The following CNTNAP2 variants were observed in gnomAD, a reference collection of about 807,000 sequenced individuals.
CNTNAP2 encodes contactin-associated protein-like 2.
CNTNAP2 carries 98 observed loss-of-function variants against 155.2 expected under a neutral mutation model. The ratio of observed to expected loss-of-function variants is 0.63; its 90% confidence interval spans 0.54 to 0.75. The LOEUF is 0.75. Ranked by LOEUF, CNTNAP2 falls within the 30% of genes least tolerant of loss-of-function variation. The pLI, the probability that CNTNAP2 is intolerant of heterozygous loss-of-function variation, is 0.00. For synonymous variants in CNTNAP2, 651 were observed against 631.2 expected (o/e 1.03, Z -0.47); for missense variants, 1,727 against 1,688.1 (o/e 1.02, Z -0.40).
chr7:147,565,031 C>CGGAAT (rs1447194073), intron 12 of CNTNAP2, among the ~76,000 whole-genome samples: 2 of 152,068 alleles, frequency 1.3e-5, no homozygotes, highest in Admixed American at 6.6e-5. Flanking sequence ...TTGGGCTATT[C>CGGAAT]CATTTTCAAG....
chr7:146,882,193 C>T (rs548991387), intron 3 of CNTNAP2, among the ~76,000 whole-genome samples: 2 of 152,144 alleles, frequency 1.3e-5, no homozygotes, highest in East Asian at 1.9e-4. Flanking sequence ...AACCATATTT[C>T]CTTCATTCAA....
At chr7:146,853,411 C>G (rs564830243) in intron 3 of CNTNAP2, among the ~76,000 whole-genome samples, 1 of 152,258 alleles carries the variant, frequency 6.6e-6, no homozygotes, top group South Asian at 2.1e-4. Context: ...ACTCTCTCAA[C>G]TCTTACTACA....
chr7:147,062,162 A>C (rs1246544281), intron 4 of CNTNAP2, among the ~76,000 whole-genome samples: 1 of 131,288 alleles, frequency 7.6e-6, no homozygotes, highest in East Asian at 2.1e-4. Context: ...AAAAAAAAAA[A>C]AAAAAAAACC....
Position 147,649,739 on chromosome 7 carries a change from C to G in CNTNAP2, c.2098+10433C>G, listed in dbSNP as rs528924428. ...ATAAAAGATTGTAAAAATGAAGAAA[C>G]GGCTATTATCCAATTCAAAAAATTA... is the stretch of plus-strand genomic sequence containing the variant. On this transcript the variant is annotated intron_variant, in intron 13 of 23. Transcript: ENST00000361727. Among the ~76,000 whole-genome samples the G allele has an allele frequency of 2.6e-5, 4 of 151,820 alleles. No individual in the cohort carries two copies. The East Asian group carries it at 7.7e-4, about 29-fold the overall frequency.
chr7:147,733,568 T>A (rs62480752), intron 13 of CNTNAP2, among the ~76,000 whole-genome samples: 1 of 152,162 alleles, frequency 6.6e-6, no homozygotes, highest in Non-Finnish European at 1.5e-5. Flanking sequence ...AGTCATTGGT[T>A]GCTTGATGGG....
At chr7:148,182,631 A>G (rs888647651) in intron 18 of CNTNAP2, among the ~76,000 whole-genome samples, 8 of 152,224 alleles carry the variant, frequency 5.3e-5, no homozygotes, top group African/African-American at 1.9e-4. Context: ...ACTCACTCAC[A>G]TATTTTTACC....
intron 11 of CNTNAP2, among the ~76,000 whole-genome samples, chr7:147,543,120 T>C (rs1276902106): frequency 6.6e-6 from 1 of 152,224 alleles, no homozygotes. Flanking sequence ...ACATATTTAT[T>C]AACAGCAAAC....
At chr7:147,454,810 C>A (rs761374411) in intron 10 of CNTNAP2, among the ~76,000 whole-genome samples, 2 of 151,824 alleles carry the variant, frequency 1.3e-5, no homozygotes, top group Admixed American at 1.3e-4. Flanking sequence ...GGTCAGGGCT[C>A]ATGATAAAGC....
chr7:147,307,560 G>A lies in CNTNAP2; in HGVS notation c.1498+7270G>A, dbSNP rs188545021. 5.7e-3 allele frequency among the ~76,000 whole-genome samples: 862 copies of A among 151,780 alleles called. 10 individuals are homozygous for A. Among genetic ancestry groups the A allele is most frequent in the African/African-American group, 0.02 (821 of 41,276 alleles). On this transcript the variant is annotated intron_variant, in intron 9 of 23. Transcript: ENST00000361727. ...GATCACACCACTGCACTCCAGCCTG[G>A]GTGACAGAGCAAAACTCCATACCCC...
intron 15 of CNTNAP2, among the ~76,000 whole-genome samples, chr7:147,999,306 C>T (rs1801859402): frequency 6.6e-6 from 1 of 152,078 alleles, no homozygotes; most frequent in African/African-American, 2.4e-5. Context: ...GGTCTCCTGA[C>T]CTCAGGTGAT....
chr7:147,941,852 G>A (rs2707576), intron 14 of CNTNAP2, among the ~76,000 whole-genome samples: 57,191 of 152,010 alleles, frequency 0.38, 13,136 homozygotes, highest in Middle Eastern at 0.65. Flanking sequence ...TACAGTTTTA[G>A]GATTTAAATG....
At chr7:147,848,399 G>C (rs1184557891) in intron 13 of CNTNAP2, among the ~76,000 whole-genome samples, 13 of 150,756 alleles carry the variant, frequency 8.6e-5, no homozygotes, top group African/African-American at 3.2e-4. Flanking sequence ...CTCGGAAAGG[G>C]AACTCCCTGA....
rs1405129969 is a variant in CNTNAP2, at chr7:148,410,048, C to G, written c.3796+577C>G. On this transcript the variant is annotated intron_variant, in intron 23 of 23. Coordinates refer to ENST00000361727, the MANE Select transcript of CNTNAP2 (RefSeq NM_014141.6). ...CCTGGGCTAAAGAGCGGGACTCCGT[C>G]TCAAAAAAAAAAAAAAAAAAGAAAG... is the stretch of plus-strand genomic sequence containing the variant. 1.2e-4 allele frequency among the ~76,000 whole-genome samples: 5 copies of G among 43,124 alleles called. 2 individuals are homozygous for G. The highest frequency in any genetic ancestry group is 1.5e-4 in the African/African-American group (2 of 12,984). The allele number at this position is 43,124 out of a possible 152,430, so 28.3% of individuals were successfully genotyped here. A position where few individuals can be genotyped will look rare whatever the true frequency, so the allele number is the denominator to read the frequency against.
intron 13 of CNTNAP2, among the ~76,000 whole-genome samples, chr7:147,790,821 T>A (rs1366974474): frequency 1.3e-5 from 2 of 152,274 alleles, no homozygotes; most frequent in Admixed American, 6.5e-5. Flanking sequence ...GCAGTTTTTA[T>A]GGGCATGGTC....
chr7:146,929,841 G>A (rs370113487), intron 3 of CNTNAP2, among the ~76,000 whole-genome samples: 219 of 152,286 alleles, frequency 1.4e-3, no homozygotes, highest in African/African-American at 4.7e-3. Flanking sequence ...GGGTATCAGT[G>A]ATGGAAGATG....
At chr7:147,607,285 A>G (rs908068463) in intron 12 of CNTNAP2, among the ~76,000 whole-genome samples, 6 of 152,110 alleles carry the variant, frequency 3.9e-5, no homozygotes, top group African/African-American at 1.4e-4. Flanking sequence ...AGAAGATCAG[A>G]GAGACTTTGG....
intron 13 of CNTNAP2, among the ~76,000 whole-genome samples, chr7:147,646,638 T>C (rs1320241780): frequency 6.6e-6 from 1 of 152,194 alleles, no homozygotes; most frequent in Non-Finnish European, 1.5e-5. Context: ...CTTCCTGGGC[T>C]GCCTTGGTTT....
intron 21 of CNTNAP2, among the ~76,000 whole-genome samples, chr7:148,324,649 T>C (rs1379933695): frequency 1.1e-4 from 17 of 151,854 alleles, no homozygotes; most frequent in African/African-American, 4.1e-4. Context: ...AATACAAAAA[T>C]TAGCTGGGCA....
intron 13 of CNTNAP2, among the ~76,000 whole-genome samples, chr7:147,758,895 C>G (rs1797257584): frequency 6.6e-6 from 1 of 152,002 alleles, no homozygotes; most frequent in African/African-American, 2.4e-5. Context: ...CTTCTAGCAG[C>G]CATGGGCATT....
Sources: allele counts gnomAD v4.1 joint callset (sites outside exome capture counted in the v4.1 genomes callset), GRCh38; gene constraint gnomAD v4.1.1; transcripts MANE v1.5; gene names NCBI Gene and HGNC (gene_info 2026-07-23, HGNC 2026-07-21).